Variants in DDX59 observed in about 807,000 individuals in gnomAD.
DDX59 encodes the protein DEAD-box helicase 59.
In DDX59, 30 loss-of-function variants were observed where a neutral mutation model predicts 51.9. The observed-to-expected ratio is 0.58, with a 90% CI of 0.43 to 0.78. DDX59 has a LOEUF of 0.78. DDX59 is among the 30% of genes least tolerant of loss of function. DDX59 has a pLI of 0.00. For synonymous variants in DDX59, 255 were observed against 253.3 expected (o/e 1.01, Z -0.06); for missense variants, 672 against 730.8 (o/e 0.92, Z 0.93).
intron 1 of DDX59, 174 bp downstream of exon 1, chr1:200,669,593 G>A (rs1186204889): frequency 1.3e-5 from 2 of 152,342 alleles, no homozygotes; most frequent in African/African-American, 2.4e-5. Context: ...TCACGGAGCT[G>A]CTAGGAGACG....
At chr1:200,643,819 CT>C (rs1661126168), downstream of DDX59, among the ~76,000 whole-genome samples, 1 of 152,054 alleles carries the variant, frequency 6.6e-6, no homozygotes, top group Non-Finnish European at 1.5e-5. Context: ...TCATATTTAT[CT>C]TTCAAAAGTG....
At chr1:200,657,212 T>C (rs1046957947) in intron 4 of DDX59, among the ~76,000 whole-genome samples, 32 of 137,214 alleles carry the variant, frequency 2.3e-4, no homozygotes, top group Admixed American at 4.1e-4. Context: ...GATCGTGCCA[T>C]TGTACTCCAG....
intron 6 of DDX59, 34 bp from the exon 7 acceptor site, chr1:200,648,601 AATTT>A: frequency 6.3e-7 from 1 of 1,589,506 alleles, no homozygotes; most frequent in Non-Finnish European, 8.6e-7. Flanking sequence ...TATTATTCAG[AATTT>A]ATTTTGTGTG....
intron 7 of DDX59, among the ~76,000 whole-genome samples, chr1:200,646,783 C>T (rs1300011218): frequency 6.6e-6 from 1 of 152,178 alleles, no homozygotes; most frequent in Non-Finnish European, 1.5e-5. Flanking sequence ...AACATGTCCA[C>T]ACAAAAACTT....
At position 200,659,183 on chromosome 1, in the gene DDX59, T is replaced by C. The variant is rs1022714897; in HGVS notation, c.973-67A>G. On this transcript the variant is annotated intron_variant, in intron 3 of 7. Coordinates refer to ENST00000331314, the MANE Select transcript of DDX59 (RefSeq NM_001031725.6). ...GCTATTTTCATTCATTCATTCCATA[T>C]TGATTGAGCAACTAATATGTACCAG... 5.7e-5 allele frequency: 71 copies of C among 1,249,828 alleles called. No homozygotes were observed. The South Asian group carries it at 8.4e-4, about 15-fold the overall frequency. The allele number at this position is 1,249,828 out of a possible 1,614,324, so 77.4% of individuals were successfully genotyped here.
At position 200,663,945 on chromosome 1, in the gene DDX59, G is replaced by T. The variant is rs147684909; in HGVS notation, c.946C>A (p.Leu316Ile). 6,786 of 1,613,340 alleles carry T rather than the reference G, an allele frequency of 4.2e-3. 18 individuals are homozygous for T. Among genetic ancestry groups the T allele is most frequent in the Non-Finnish European group, 5.0e-3 (5,955 of 1,179,796 alleles). ...LVGGLPLPPQ[L>I]YRLQQHVKVI... ...TTAACATGTTGTTGCAGACGATAAAGCTGTGGGGGTAAGGGTAAGCCCCCT... is the reference window on the plus strand; with the variant it reads ...TTAACATGTTGTTGCAGACGATAAATCTGTGGGGGTAAGGGTAAGCCCCCT... Residue 316 changes from leucine to isoleucine, a missense_variant, in exon 3 of 8, where the codon CTT (leucine) becomes ATT (isoleucine). By Grantham distance (5) the Leu-to-Ile change is conservative. Transcript: ENST00000331314.
rs114701734 is a variant in DDX59 at position 200,652,067 on chromosome 1, T to C, written c.1063-1391A>G. Among the ~76,000 whole-genome samples, 242 of 151,512 alleles carry C rather than the reference T, an allele frequency of 1.6e-3. 1 individual carries two copies. Among genetic ancestry groups the C allele is most frequent in the African/African-American group, 5.2e-3 (216 of 41,324 alleles). On this transcript the variant is annotated intron_variant, in intron 4 of 7. Coordinates refer to ENST00000331314, the MANE Select transcript of DDX59 (RefSeq NM_001031725.6). ...TTCAGTTGCAAATACAATCCAGGTG[T>C]CTATAATTTGGGAACAATGAGGTAT... is the stretch of plus-strand genomic sequence containing the variant.
chr1:200,658,351 T>A (rs778123072), intron 4 of DDX59, among the ~76,000 whole-genome samples: 1 of 151,210 alleles, frequency 6.6e-6, no homozygotes, highest in African/African-American at 2.4e-5. Context: ...ATATGTAACA[T>A]AGAAAATCAG....
At chr1:200,654,168 C>A (rs1439464304) in intron 4 of DDX59, among the ~76,000 whole-genome samples, 1 of 152,168 alleles carries the variant, frequency 6.6e-6, no homozygotes, top group Non-Finnish European at 1.5e-5. Context: ...AATCCCAGCA[C>A]TTTGGGAGGC....
chr1:200,641,864 G>A (rs183163015), downstream of DDX59, among the ~76,000 whole-genome samples: 181 of 152,266 alleles, frequency 1.2e-3, 1 homozygote, highest in Middle Eastern at 3.4e-3. Flanking sequence ...TTAGCTGGGC[G>A]TGGTGGTGTA....
At chr1:200,641,319 T>C, downstream of DDX59, 1 of 844,880 alleles carries the variant, frequency 1.2e-6, no homozygotes, top group Non-Finnish European at 1.7e-6. Context: ...CCAGCTTAGA[T>C]TTATTAAATT....
In DDX59 at chr1:200,644,369, T is replaced by G. The variant is rs748561193; in HGVS notation, c.1745A>C (p.His582Pro). Residue 582 changes from histidine to proline, a missense_variant, in exon 8 of 8, where the codon CAT (histidine) becomes CCT (proline). Coordinates refer to ENST00000331314, the MANE Select transcript of DDX59 (RefSeq NM_001031725.6). ...CTGTTGTTCCTTTCTCTTCTGGTCA[T>G]GAAGGTATGGGGAATTTAATAACTG... ...PPQLLNSPYLHDQKRKEQQKD... is the reference protein window; with the variant it reads ...PPQLLNSPYLPDQKRKEQQKD... 1 of 1,613,850 alleles carries G rather than the reference T, an allele frequency of 6.2e-7. No individual in the cohort carries two copies. The highest frequency in any genetic ancestry group is 1.1e-5 in the South Asian group (1 of 91,024).
chr1:200,645,532 C>T (rs1380752138), intron 7 of DDX59, among the ~76,000 whole-genome samples: 1 of 152,174 alleles, frequency 6.6e-6, no homozygotes, highest in Non-Finnish European at 1.5e-5. Flanking sequence ...CTGCCTCAGC[C>T]TCCCAAAGTG....
intron 1 of DDX59, 106 bp downstream of exon 1, chr1:200,669,661 G>A (rs930420563): frequency 2.6e-5 from 4 of 152,312 alleles, no homozygotes; most frequent in South Asian, 2.1e-4. Context: ...AGGATGGGAG[G>A]AAGGCCGCGC....
At chr1:200,649,933 C>T (rs1661547215) in intron 5 of DDX59, among the ~76,000 whole-genome samples, 1 of 151,566 alleles carries the variant, frequency 6.6e-6, no homozygotes, top group African/African-American at 2.4e-5. Context: ...AGCCCTGCCT[C>T]CCAGATTCAC....
chr1:200,648,500 A>C lies in DDX59; in HGVS notation c.1535T>G (p.Ile512Ser). 1.9e-6 allele frequency: 3 copies of C among 1,614,182 alleles called. No individual in the cohort carries two copies. The highest frequency in any genetic ancestry group is 2.5e-6 in the Non-Finnish European group (3 of 1,180,026). Residue 512 changes from isoleucine to serine, a missense_variant, in exon 7 of 8, where the codon ATC becomes AGC. Ile to Ser is a moderately radical substitution (Grantham distance 142). Transcript: ENST00000331314. Reference protein sequence around the residue: ...TGVLGRGLDLISVRLVVNFDM... With the variant: ...TGVLGRGLDLSSVRLVVNFDM... ...AAAATTGACAACCAGCCTGACACTG[A>C]TCAAGTCTAGGCCTCGTCCCAAGAC... is the stretch of plus-strand genomic sequence containing the variant.
At chr1:200,647,356 G>A (rs1661353824) in intron 7 of DDX59, among the ~76,000 whole-genome samples, 1 of 152,112 alleles carries the variant, frequency 6.6e-6, no homozygotes, top group Non-Finnish European at 1.5e-5. Context: ...AGGATATGAA[G>A]AGGAGATGAA....
At chr1:200,654,859 C>G (rs1258996141) in intron 4 of DDX59, 1 of 152,240 alleles carries the variant, frequency 6.6e-6, no homozygotes, top group Non-Finnish European at 1.5e-5. Flanking sequence ...CTCTCTTCTT[C>G]AAGGATATTA....
chr1:200,652,572 T>C (rs767210622), intron 4 of DDX59, among the ~76,000 whole-genome samples: 4 of 152,152 alleles, frequency 2.6e-5, no homozygotes, highest in Non-Finnish European at 4.4e-5. Context: ...TTTTGCTATG[T>C]TGCCCAGGCT....
Sources: allele counts gnomAD v4.1 joint callset (sites outside exome capture counted in the v4.1 genomes callset), GRCh38; gene constraint gnomAD v4.1.1; transcripts MANE v1.5; gene names NCBI Gene and HGNC (gene_info 2026-07-23, HGNC 2026-07-21).